IL1RAPL2: variants seen among roughly 807,000 people sequenced by gnomAD.
IL1RAPL2 encodes the protein X-linked interleukin-1 receptor accessory protein-like 2.
In IL1RAPL2, 3 loss-of-function variants were observed where a neutral mutation model predicts 44.1. The observed-to-expected ratio is 0.07, with a 90% CI of 0.03 to 0.18. IL1RAPL2 has a LOEUF of 0.18. Among genes scored for constraint, IL1RAPL2 ranks in the 10% least tolerant of loss-of-function variants. The pLI, the probability that IL1RAPL2 is intolerant of heterozygous loss-of-function variation, is 1.00. For synonymous variants in IL1RAPL2, 181 were observed against 178.8 expected (o/e 1.01, Z -0.10); for missense variants, 391 against 496.4 (o/e 0.79, Z 2.02).
chrX:105,101,364 G>A (rs889854220), intron 2 of IL1RAPL2, among the ~76,000 whole-genome samples: 6 of 112,063 alleles, frequency 5.4e-5, no homozygotes, highest in Non-Finnish European at 1.1e-4. Flanking sequence ...ATATATGCCA[G>A]ACAGATGCCA....
At chrX:105,463,182 C>T (rs933164549) in intron 5 of IL1RAPL2, among the ~76,000 whole-genome samples, 2 of 111,061 alleles carry the variant, frequency 1.8e-5, no homozygotes, top group Non-Finnish European at 3.8e-5. Flanking sequence ...ATGGATTTTT[C>T]ACCATTGCTG....
chrX:105,618,073 A>G (rs886574459), intron 6 of IL1RAPL2, among the ~76,000 whole-genome samples: 7 of 109,814 alleles, frequency 6.4e-5, no homozygotes, highest in Non-Finnish European at 1.1e-4. Flanking sequence ...TTTTACCCAC[A>G]CTTCCAGTAA....
intron 6 of IL1RAPL2, among the ~76,000 whole-genome samples, chrX:105,601,232 T>A (rs1217778579): frequency 9.0e-6 from 1 of 111,486 alleles, no homozygotes; most frequent in Non-Finnish European, 1.9e-5. Context: ...GAGTATCTTG[T>A]CATAGAGGAG....
At chrX:105,219,133 T>G (rs1301342719) in intron 3 of IL1RAPL2, 12 of 1,209,082 alleles carry the variant, frequency 9.9e-6, no homozygotes, top group Non-Finnish European at 1.3e-5. Context: ...GTGCTCCTGA[T>G]GGTCTATTCT....
chrX:105,126,891 A>G (rs755097700), intron 2 of IL1RAPL2, among the ~76,000 whole-genome samples: 1 of 111,213 alleles, frequency 9.0e-6, no homozygotes, highest in African/African-American at 3.2e-5. Flanking sequence ...TTGATTGGGC[A>G]TTGCTTCCAG....
intron 2 of IL1RAPL2, among the ~76,000 whole-genome samples, chrX:104,713,899 G>T (rs1931506424): frequency 9.0e-6 from 1 of 111,021 alleles, no homozygotes; most frequent in Admixed American, 9.6e-5. Flanking sequence ...ATTTAAGGGG[G>T]CAGAGAGAAG....
chrX:105,360,574 T>C (rs1014993256), intron 5 of IL1RAPL2, among the ~76,000 whole-genome samples: 1 of 110,831 alleles, frequency 9.0e-6, no homozygotes, highest in Non-Finnish European at 1.9e-5. Context: ...AGGGGGCTGA[T>C]AATTTAGATA....
At chrX:105,601,168 T>C (rs2037249512) in intron 6 of IL1RAPL2, among the ~76,000 whole-genome samples, 1 of 111,680 alleles carries the variant, frequency 9.0e-6, no homozygotes, top group Admixed American at 9.5e-5. Context: ...ATATGTTATC[T>C]GGTATATTGC....
chrX:104,759,320 T>G (rs759332283), intron 2 of IL1RAPL2, among the ~76,000 whole-genome samples: 1 of 111,848 alleles, frequency 8.9e-6, no homozygotes, highest in Non-Finnish European at 1.9e-5. Context: ...CTTACATACT[T>G]GTTCTGATGG....
intron 2 of IL1RAPL2, among the ~76,000 whole-genome samples, chrX:104,798,113 G>T (rs1932862131): frequency 9.0e-6 from 1 of 111,483 alleles, no homozygotes; most frequent in African/African-American, 3.3e-5. Flanking sequence ...CGATGATTTA[G>T]ATTTAAAATA....
At chrX:105,384,444 C>G (rs1162031008) in intron 5 of IL1RAPL2, among the ~76,000 whole-genome samples, 1 of 110,987 alleles carries the variant, frequency 9.0e-6, no homozygotes, top group Non-Finnish European at 1.9e-5. Context: ...TTTCTGGTTT[C>G]CCTATTCTGT....
At chrX:105,218,722 C>A (rs1443993851) in intron 3 of IL1RAPL2, among the ~76,000 whole-genome samples, 1 of 106,350 alleles carries the variant, frequency 9.4e-6, no homozygotes, top group Non-Finnish European at 1.9e-5. Context: ...CCAATCTATA[C>A]CTCCCCTGGC....
At chrX:105,445,492 A>G (rs921069620) in intron 5 of IL1RAPL2, among the ~76,000 whole-genome samples, 3 of 110,483 alleles carry the variant, frequency 2.7e-5, no homozygotes, top group African/African-American at 9.8e-5. Flanking sequence ...TCATTGGGCT[A>G]TGTATTTGAA....
intron 2 of IL1RAPL2, among the ~76,000 whole-genome samples, chrX:104,911,985 C>T (rs917280872): frequency 2.7e-5 from 3 of 111,727 alleles, no homozygotes; most frequent in Non-Finnish European, 5.6e-5. Context: ...CTCCCTGTTT[C>T]TTCATTTACT....
At chrX:105,146,229 A>C (rs1363214139) in intron 2 of IL1RAPL2, among the ~76,000 whole-genome samples, 1 of 111,512 alleles carries the variant, frequency 9.0e-6, no homozygotes, top group Non-Finnish European at 1.9e-5. Flanking sequence ...TCTGCTTTCT[A>C]GGATTGTCCA....
At chrX:104,952,513 A>C (rs1460032464) in intron 2 of IL1RAPL2, among the ~76,000 whole-genome samples, 1 of 112,362 alleles carries the variant, frequency 8.9e-6, no homozygotes, top group Non-Finnish European at 1.9e-5. Context: ...TTACTTTAAC[A>C]AAAGAAACAT....
At chrX:105,038,717 A>C (rs1381124641) in intron 2 of IL1RAPL2, among the ~76,000 whole-genome samples, 1 of 110,054 alleles carries the variant, frequency 9.1e-6, no homozygotes, top group Non-Finnish European at 1.9e-5. Context: ...TCCTCAAGTA[A>C]GCCCTGGTGT....
chrX:105,747,563 CATATATACACACAT>C (rs1189954269), intron 8 of IL1RAPL2, among the ~76,000 whole-genome samples: 6 of 99,472 alleles, frequency 6.0e-5, no homozygotes, highest in African/African-American at 2.3e-4. Context: ...TATATACACA[CATATATACACACAT>C]ATATATATAT....
chrX:105,586,340 C>T (rs181870308), intron 6 of IL1RAPL2, among the ~76,000 whole-genome samples: 129 of 111,612 alleles, frequency 1.2e-3, no homozygotes, highest in African/African-American at 3.6e-3. Flanking sequence ...TTTAAAAAGT[C>T]AAGAAGCAAT....
Sources: allele counts gnomAD v4.1 joint callset (sites outside exome capture counted in the v4.1 genomes callset), GRCh38; gene constraint gnomAD v4.1.1; transcripts MANE v1.5; gene names NCBI Gene and HGNC (gene_info 2026-07-23, HGNC 2026-07-21).